Variants in PRUNE1 observed in about 807,000 individuals in gnomAD.
PRUNE1 encodes prune exopolyphosphatase 1.
A neutral mutation model predicts 42.5 loss-of-function variants in PRUNE1; 25 were observed. That is an observed-to-expected ratio of 0.59 (90% CI 0.43 to 0.82). PRUNE1 has a LOEUF of 0.82. Among genes scored for constraint, PRUNE1 ranks in the 40% least tolerant of loss-of-function variants. The pLI, the probability that PRUNE1 is intolerant of heterozygous loss-of-function variation, is 0.00. For synonymous variants in PRUNE1, 203 were observed against 217.1 expected, an observed-to-expected ratio of 0.93 and a Z score of 0.57; for missense variants, 443 against 539.3, an observed-to-expected ratio of 0.82 and a Z score of 1.77.
At chr1:151,027,437 C>A in intron 6 of PRUNE1, 110 bp downstream of exon 6, 1 of 733,358 alleles carries the variant, frequency 1.4e-6, no homozygotes. Flanking sequence ...TATCTTGTGT[C>A]TATCTTTGTC....
At chr1:151,033,407 T>C (rs1255704244) in intron 7 of PRUNE1, among the ~76,000 whole-genome samples, 1 of 147,082 alleles carries the variant, frequency 6.8e-6, no homozygotes, top group East Asian at 2.0e-4. Context: ...TTTTTTTTTT[T>C]TGAGATGCAG....
intron 1 of PRUNE1, among the ~76,000 whole-genome samples, chr1:151,010,803 G>A (rs34616916): frequency 0.17 from 26,180 of 151,166 alleles, 2,670 homozygotes; most frequent in East Asian, 0.43. Context: ...TTACAAGTGT[G>A]CGCCACTATG....
At chr1:151,025,825 C>T (rs1421739687) in intron 5 of PRUNE1, 152 bp downstream of exon 5, 4 of 703,242 alleles carry the variant, frequency 5.7e-6, no homozygotes, top group East Asian at 3.4e-5. Context: ...ACTGCAACCT[C>T]GACCTCCTGG....
rs1244298369 is a variant in PRUNE1 at position 151,016,924 on chromosome 1, G to A, written c.40-888G>A. Among the ~76,000 whole-genome samples the A allele has an allele frequency of 2.7e-5, 4 of 150,878 alleles. No individual in the cohort carries two copies. In the East Asian group the frequency reaches 8.1e-4, roughly 30 times the overall value. ...GCCTGTAATCCCAGCACTTTGGGAG[G>A]CCAAGGCGGGCGGATCACCTGAGGT... On this transcript the variant is annotated intron_variant, in intron 1 of 7. Transcript: ENST00000271620.
Position 151,017,906 on chromosome 1 carries a change from TG to T in PRUNE1, c.132+5del, listed in dbSNP as rs1371029206. On this transcript the variant is annotated splice_donor_region_variant and intron_variant, in intron 2 of 7. Coordinates refer to ENST00000271620, the MANE Select transcript of PRUNE1 (RefSeq NM_021222.3). Reference sequence around the variant, plus strand: ...GCCCTGGCTTTTTACCTAGCAAAGGTGGGTAAAAAAACGTAGTACCTAGGAT... The same window carrying T: ...GCCCTGGCTTTTTACCTAGCAAAGGTGGTAAAAAAACGTAGTACCTAGGAT... 2 of 1,564,072 alleles carry T rather than the reference TG, an allele frequency of 1.3e-6. No individual in the cohort carries two copies. The highest frequency in any genetic ancestry group is 8.8e-7 in the Non-Finnish European group (1 of 1,135,204).
At chr1:151,011,743 A>C (rs1289293559) in intron 1 of PRUNE1, among the ~76,000 whole-genome samples, 1 of 151,768 alleles carries the variant, frequency 6.6e-6, no homozygotes, top group Non-Finnish European at 1.5e-5. Flanking sequence ...AGTCATTTCA[A>C]CTAGTGGGTG....
intron 7 of PRUNE1, among the ~76,000 whole-genome samples, chr1:151,030,573 C>T (rs756636266): frequency 1.3e-5 from 2 of 152,056 alleles, no homozygotes; most frequent in Non-Finnish European, 2.9e-5. Context: ...TCACTGCAAC[C>T]GCCACCTCCC....
At chr1:151,017,423 A>G (rs962283936) in intron 1 of PRUNE1, among the ~76,000 whole-genome samples, 3 of 152,108 alleles carry the variant, frequency 2.0e-5, no homozygotes, top group Non-Finnish European at 2.9e-5. Flanking sequence ...GTGAAGATCA[A>G]TGAGAGGAAG....
At chr1:151,024,531 T>G in intron 3 of PRUNE1, 80 bp from the exon 4 acceptor site, 2 of 1,296,510 alleles carry the variant, frequency 1.5e-6, no homozygotes, top group Non-Finnish European at 1.1e-6. Context: ...CCTTGATGTG[T>G]GGGGTAGAGG....
At chr1:151,027,088 G>A (rs778746350) in intron 5 of PRUNE1, 145 bp from the exon 6 acceptor site, 40 of 530,476 alleles carry the variant, frequency 7.5e-5, no homozygotes, top group Admixed American at 3.4e-4. Context: ...GCCCGGCTAT[G>A]ATTACATTTT....
intron 5 of PRUNE1, among the ~76,000 whole-genome samples, chr1:151,025,929 TCGGGTTTC>T (rs1674808074): frequency 6.6e-6 from 1 of 151,622 alleles, no homozygotes; most frequent in Non-Finnish European, 1.5e-5. Flanking sequence ...TTAGTAAAGA[TCGGGTTTC>T]ACCATGTTGA....
chr1:151,031,190 TGTG>T (rs1675223583), intron 7 of PRUNE1, among the ~76,000 whole-genome samples: 5 of 126,070 alleles, frequency 4.0e-5, no homozygotes, highest in African/African-American at 1.9e-4. Context: ...TGTGTGTGTG[TGTG>T]TTTTTTTTTT....
At position 151,027,299 on chromosome 1, in the gene PRUNE1, C is replaced by T; in HGVS notation, c.746C>T (p.Ala249Val). Residue 249 changes from alanine (A) to valine (V), a missense_variant, in exon 6 of 8, where the codon GCC (alanine) becomes GTC (valine). By Grantham distance (64) the Ala-to-Val change is moderately conservative (BLOSUM62 0). Transcript: ENST00000271620. Reference sequence around the variant, plus strand: ...ATCTATAGACAAGGCGTCAAGGTGGCCATTAGTGCAATATATATGGATTTG... The same window carrying T: ...ATCTATAGACAAGGCGTCAAGGTGGTCATTAGTGCAATATATATGGATTTG... The part of the protein sequence containing the change: ...KTIYRQGVKV[A>V]ISAIYMDLEA... 1 of 1,609,662 alleles carries T rather than the reference C, an allele frequency of 6.2e-7. No individual in the cohort carries two copies. The highest frequency in any genetic ancestry group is 1.1e-5 in the South Asian group (1 of 90,966).
Sources: allele counts gnomAD v4.1 joint callset (sites outside exome capture counted in the v4.1 genomes callset), GRCh38; gene constraint gnomAD v4.1.1; transcripts MANE v1.5; gene names NCBI Gene and HGNC (gene_info 2026-07-23, HGNC 2026-07-21).